LRP1B: variants seen among roughly 807,000 people sequenced by gnomAD.
LRP1B encodes low-density lipoprotein receptor-related protein 1B.
LRP1B carries 217 observed loss-of-function variants against 556.6 expected under a neutral mutation model. The ratio of observed to expected loss-of-function variants is 0.39; its 90% CI spans 0.35 to 0.44. The LOEUF (loss-of-function observed/expected upper bound fraction) is 0.44, where lower values mean the gene tolerates loss of function less well. LRP1B is among the 20% of genes least tolerant of loss of function. The probability of loss-of-function intolerance (pLI) is 1.00; values close to 1 mark genes in which losing one functional copy is unlikely to be tolerated. For synonymous variants in LRP1B, 2,047 were observed against 1,865.8 expected (o/e 1.10, Z -2.50); for missense variants, 5,053 against 5,620.8 (o/e 0.90, Z 3.23).
chr2:140,849,220 A>AAAAAAAAAAAAC (rs1692368393), intron 29 of LRP1B, among the ~76,000 whole-genome samples: 1 of 105,210 alleles, frequency 9.5e-6, no homozygotes, highest in Non-Finnish European at 2.2e-5. Context: ...AAAAAAAAAA[A>AAAAAAAAAAAAC]AAAATAGCCA....
intron 1 of LRP1B, among the ~76,000 whole-genome samples, chr2:142,115,572 T>TTATATATATATTA (rs1553518956): frequency 2.8e-5 from 1 of 36,344 alleles, no homozygotes; most frequent in Non-Finnish European, 5.0e-5. Context: ...GTAATATATA[T>TTATATATATATTA]TATATATGTA....
At chr2:142,045,950 C>T (rs1027198851) in intron 1 of LRP1B, among the ~76,000 whole-genome samples, 1 of 151,820 alleles carries the variant, frequency 6.6e-6, no homozygotes, top group African/African-American at 2.4e-5. Flanking sequence ...TTGAAAATAT[C>T]CAAGGTGAAA....
intron 1 of LRP1B, among the ~76,000 whole-genome samples, chr2:142,112,502 G>T (rs1354603568): frequency 6.6e-6 from 1 of 152,026 alleles, no homozygotes; most frequent in East Asian, 1.9e-4. Flanking sequence ...ATTCGGGAGG[G>T]AAATAAAGAA....
chr2:141,438,571 A>G (rs1247715076), intron 3 of LRP1B, among the ~76,000 whole-genome samples: 1 of 152,146 alleles, frequency 6.6e-6, no homozygotes, highest in African/African-American at 2.4e-5. Context: ...ATACAGCTAA[A>G]AGGGATGGCA....
At chr2:140,421,947 G>A (rs1685463703) in intron 66 of LRP1B, among the ~76,000 whole-genome samples, 3 of 152,194 alleles carry the variant, frequency 2.0e-5, no homozygotes, top group Admixed American at 1.3e-4. Flanking sequence ...AACTCAGTGT[G>A]CAGGTTTGAC....
chr2:141,354,461 G>A (rs1193026570), intron 3 of LRP1B, among the ~76,000 whole-genome samples: 1 of 152,016 alleles, frequency 6.6e-6, no homozygotes, highest in Non-Finnish European at 1.5e-5. Flanking sequence ...AAAGAATGAA[G>A]AGTAAAAGAA....
intron 1 of LRP1B, among the ~76,000 whole-genome samples, chr2:141,886,918 T>C (rs956608152): frequency 6.6e-6 from 1 of 152,060 alleles, no homozygotes; most frequent in African/African-American, 2.4e-5. Flanking sequence ...TTATTTATTT[T>C]CTGTGTGTGT....
At chr2:142,042,400 T>C (rs1704094345) in intron 1 of LRP1B, among the ~76,000 whole-genome samples, 1 of 151,368 alleles carries the variant, frequency 6.6e-6, no homozygotes, top group South Asian at 2.1e-4. Context: ...AAACTATTTA[T>C]TTTCTGAATG....
chr2:140,623,462 A>T (rs1683529942), intron 41 of LRP1B, among the ~76,000 whole-genome samples: 1 of 152,178 alleles, frequency 6.6e-6, no homozygotes, highest in Admixed American at 6.5e-5. Flanking sequence ...GACAAATTAT[A>T]TCAAAAGGCA....
rs1682876222 is a variant in LRP1B, at chr2:141,480,455, T to G, written c.284A>C (p.Gln95Pro). 1 of 1,613,902 alleles carries G rather than the reference T, an allele frequency of 6.2e-7. No homozygotes were observed. Among genetic ancestry groups the G allele is most frequent in the Non-Finnish European group, 8.5e-7 (1 of 1,179,948 alleles). Residue 95 changes from glutamine to proline, a missense_variant, in exon 3 of 91, where the codon CAG (glutamine) becomes CCG (proline). Transcript: ENST00000389484. ...LGTNKCVHLS[Q>P]LCNGVLDCPD... ...GCAGTCCAAGACACCATTGCACAGC[T>G]GGGATAAATGAACACATTTGTTGGT...
At chr2:142,042,127 C>T (rs917458250) in intron 1 of LRP1B, among the ~76,000 whole-genome samples, 3 of 151,246 alleles carry the variant, frequency 2.0e-5, no homozygotes, top group Admixed American at 6.6e-5. Context: ...GCTAGCCATA[C>T]GAAATAAACG....
chr2:140,905,061 A>G (rs1347048148), intron 22 of LRP1B, among the ~76,000 whole-genome samples: 1 of 152,110 alleles, frequency 6.6e-6, no homozygotes, highest in Non-Finnish European at 1.5e-5. Flanking sequence ...TTAATCCTGC[A>G]ACTTCTTTTA....
chr2:141,840,314 A>C lies in LRP1B; in HGVS notation c.83-29913T>G, dbSNP rs955197350. Among the ~76,000 whole-genome samples, 3 of 117,628 alleles carry C rather than the reference A, an allele frequency of 2.6e-5. No individual in the cohort carries two copies. In the Admixed American group the frequency reaches 3.8e-4, roughly 15 times the overall value. 77.2% of individuals were successfully genotyped at this position (117,628 alleles called of 152,430 possible). On this transcript the variant is annotated intron_variant, in intron 1 of 90. Transcript: ENST00000389484. Reference sequence around the variant, plus strand: ...AATCTCGCTCTGTCGCCCACGCTGGAGTGCAGTGGCGCCATCTCGGCTCAC... The same window carrying C: ...AATCTCGCTCTGTCGCCCACGCTGGCGTGCAGTGGCGCCATCTCGGCTCAC...
intron 60 of LRP1B, 27 bp from the exon 61 acceptor site, chr2:140,457,678 G>A (rs201765381): frequency 1.3e-6 from 2 of 1,576,092 alleles, no homozygotes; most frequent in Admixed American, 1.7e-5. Flanking sequence ...TAAGATTAAT[G>A]TTCAGTCTTG....
chr2:140,910,729 A>G (rs1694395482), intron 21 of LRP1B, among the ~76,000 whole-genome samples: 2 of 151,844 alleles, frequency 1.3e-5, no homozygotes, highest in South Asian at 4.1e-4. Flanking sequence ...AAGGTAAACT[A>G]AAATAACTAG....
intron 83 of LRP1B, among the ~76,000 whole-genome samples, chr2:140,303,502 C>G (rs1444658802): frequency 6.6e-6 from 1 of 152,016 alleles, no homozygotes; most frequent in Non-Finnish European, 1.5e-5. Flanking sequence ...CTACCTCAGC[C>G]TCCCAAAGTG....
At chr2:142,043,224 T>C (rs1349446086) in intron 1 of LRP1B, among the ~76,000 whole-genome samples, 1 of 151,636 alleles carries the variant, frequency 6.6e-6, no homozygotes, top group Non-Finnish European at 1.5e-5. Flanking sequence ...AGATACATCA[T>C]ATTCTGAAAC....
chr2:140,661,248 T>C (rs1685081501), intron 41 of LRP1B, among the ~76,000 whole-genome samples: 1 of 152,024 alleles, frequency 6.6e-6, no homozygotes, highest in African/African-American at 2.4e-5. Context: ...GGATATAAAA[T>C]GAAAAGCAGA....
chr2:140,343,739 G>A (rs74550452), intron 77 of LRP1B, among the ~76,000 whole-genome samples: 3,501 of 151,646 alleles, frequency 0.023, 50 homozygotes, highest in Non-Finnish European at 0.023. Flanking sequence ...GTATATCCAC[G>A]TAACAGCCAA....
Sources: gnomAD v4.1 joint callset for allele counts (sites outside exome capture counted in the v4.1 genomes callset) on GRCh38, gnomAD v4.1.1 for gene constraint, MANE v1.5 for transcripts, NCBI Gene and HGNC (gene_info 2026-07-23, HGNC 2026-07-21) for gene names.